The following PRTG variants were observed in gnomAD, a reference collection of about 807,000 sequenced individuals.
PRTG encodes the protein immunoglobulin superfamily, DCC subclass, member 5.
Under a neutral mutation model 122.5 loss-of-function variants are expected in PRTG, and 67 were observed. That is an observed-to-expected ratio of 0.55 (90% CI 0.45 to 0.67). The LOEUF (loss-of-function observed/expected upper bound fraction) is 0.67. Ranked by LOEUF, PRTG falls within the 30% of genes least tolerant of loss-of-function variation. The pLI is 0.00. For missense variants in PRTG, 1,435 were observed against 1,415.4 expected, an observed-to-expected ratio of 1.01 and a Z score of -0.22; for synonymous variants, 554 against 501.1, an observed-to-expected ratio of 1.11 and a Z score of -1.41.
At chr15:55,641,250 A>G (rs935745520) in intron 11 of PRTG, 42 bp from the exon 12 acceptor site, 4 of 1,422,264 alleles carry the variant, frequency 2.8e-6, no homozygotes, top group East Asian at 4.6e-5. Context: ...CCAGGTCTCT[A>G]GATCTGAGCA....
chr15:55,706,480 C>G (rs2030121920), intron 2 of PRTG, among the ~76,000 whole-genome samples: 1 of 148,970 alleles, frequency 6.7e-6, no homozygotes, highest in African/African-American at 2.5e-5. Flanking sequence ...TGGCCGGGCA[C>G]AGTGGCTCAT....
chr15:55,696,664 T>A (rs1403304267), intron 2 of PRTG, among the ~76,000 whole-genome samples: 1 of 152,176 alleles, frequency 6.6e-6, no homozygotes, highest in Non-Finnish European at 1.5e-5. Context: ...ATCTGCTTAA[T>A]AAAAATAATG....
intron 11 of PRTG, among the ~76,000 whole-genome samples, chr15:55,667,825 C>G (rs2059447303): frequency 6.6e-6 from 1 of 152,216 alleles, no homozygotes; most frequent in South Asian, 2.1e-4. Context: ...GCGGCTCACA[C>G]CTACCATCCT....
chr15:55,627,808 A>G (rs1479414543), intron 16 of PRTG, among the ~76,000 whole-genome samples: 1 of 152,090 alleles, frequency 6.6e-6, no homozygotes, highest in East Asian at 1.9e-4. Flanking sequence ...TTAGTTTTCC[A>G]TTTACATACA....
chr15:55,717,471 G>A (rs1433339574), intron 2 of PRTG, among the ~76,000 whole-genome samples: 2 of 152,178 alleles, frequency 1.3e-5, no homozygotes, highest in African/African-American at 2.4e-5. Context: ...AGGTTTCTGG[G>A]ATTTACCATC....
chr15:55,638,587 G>T lies in PRTG; in HGVS notation c.2414C>A (p.Pro805His), dbSNP rs1323634458. 6.2e-7 allele frequency: 1 copy of T among 1,613,294 alleles called. No individual in the cohort carries two copies. Among genetic ancestry groups the T allele is most frequent in the Non-Finnish European group, 8.5e-7 (1 of 1,179,464 alleles). ...VRLHVDQLSS[P>H]WSPVVYHSTL... is the part of the protein sequence containing the mutation. ...AGAATGGTAGACTACAGGGCTCCAA[G>T]GACTGGAAAGCTGATCCACATGTAA... The change falls in exon 14 of 20, where the codon CCT becomes CAT. Residue 805 changes from proline to histidine, a missense_variant. Coordinates refer to ENST00000389286, the MANE Select transcript of PRTG (RefSeq NM_173814.6).
chr15:55,638,338 T>C (rs2059269520), intron 14 of PRTG, among the ~76,000 whole-genome samples: 1 of 152,126 alleles, frequency 6.6e-6, no homozygotes, highest in South Asian at 2.1e-4. Context: ...TAAGCCTACG[T>C]GCTTGCACAA....
chr15:55,742,404 A>G (rs2031637747), intron 1 of PRTG: 1 of 158,660 alleles, frequency 6.3e-6, no homozygotes, highest in Non-Finnish European at 1.4e-5. Flanking sequence ...CTGCACGGCG[A>G]GGCTGCCACT....
chr15:55,743,128 C>T lies in PRTG; in HGVS notation c.-197G>A. On this transcript the variant is annotated 5_prime_UTR_variant, in exon 1 of 20. Transcript: ENST00000389286. ...CGGCCGCTCGCGAGAAGCAAGGGGCCTGAGAGTCCGGCTGGGGGCGGAGTG... is the reference window on the plus strand; with the variant it reads ...CGGCCGCTCGCGAGAAGCAAGGGGCTTGAGAGTCCGGCTGGGGGCGGAGTG... The T allele has an allele frequency of 7.9e-7, 1 of 1,261,770 alleles. No homozygotes were observed. The highest frequency in any genetic ancestry group is 9.9e-7 in the Non-Finnish European group (1 of 1,007,398). 78.2% of individuals were successfully genotyped at this position (1,261,770 alleles called of 1,614,324 possible).
At chr15:55,620,333 C>T (rs984665045) in intron 19 of PRTG, 67 bp from the exon 20 acceptor site, 9 of 1,572,344 alleles carry the variant, frequency 5.7e-6, no homozygotes, top group Non-Finnish European at 7.7e-6. Context: ...AAAAGCTCAT[C>T]AGGTCCCCAC....
Position 55,616,399 on chromosome 15 carries a change from G to A in PRTG, c.*3613C>T, listed in dbSNP as rs1465495905. On this transcript the variant is annotated 3_prime_UTR_variant, in exon 20 of 20. Transcript: ENST00000389286. ...TAAGGGACTGCCTCAAGCCGTCTGA[G>A]CTAACCAGGTAATGCTTAAAGCAGG... The A allele has an allele frequency of 6.6e-6, 1 of 152,112 alleles. No individual in the cohort carries two copies. The highest frequency in any genetic ancestry group is 2.4e-5 in the African/African-American group (1 of 41,446). The allele number at this position is 152,112 out of a possible 1,614,324, so 9.4% of individuals were successfully genotyped here.
intron 15 of PRTG, among the ~76,000 whole-genome samples, chr15:55,633,296 G>A (rs1383794182): frequency 1.3e-5 from 2 of 151,832 alleles, no homozygotes; most frequent in African/African-American, 4.8e-5. Flanking sequence ...TGCAACTGCT[G>A]TCTCCTGAGT....
chr15:55,669,558 C>G, intron 11 of PRTG, among the ~76,000 whole-genome samples: 1 of 152,200 alleles, frequency 6.6e-6, no homozygotes, highest in East Asian at 1.9e-4. Flanking sequence ...CACTTGCCTG[C>G]TTAGTGAGTT....
intron 11 of PRTG, among the ~76,000 whole-genome samples, chr15:55,641,474 C>T (rs1041375499): frequency 9.9e-5 from 15 of 152,160 alleles, no homozygotes; most frequent in African/African-American, 3.4e-4. Flanking sequence ...CCTTTCTCTC[C>T]TCTTCCTTAT....
chr15:55,627,860 C>A (rs1296391291), intron 16 of PRTG, among the ~76,000 whole-genome samples: 2 of 152,046 alleles, frequency 1.3e-5, no homozygotes, highest in Non-Finnish European at 1.5e-5. Context: ...CTGTGAGTCA[C>A]TAGGGATTAT....
At chr15:55,632,697 C>T (rs532115241) in intron 15 of PRTG, among the ~76,000 whole-genome samples, 1 of 152,340 alleles carries the variant, frequency 6.6e-6, no homozygotes, top group South Asian at 2.1e-4. Context: ...AATGTCATTT[C>T]TTCCGCAGGA....
intron 15 of PRTG, among the ~76,000 whole-genome samples, chr15:55,634,515 C>T (rs1205112995): frequency 6.6e-6 from 1 of 152,122 alleles, no homozygotes; most frequent in Non-Finnish European, 1.5e-5. Context: ...TCATTTTGGA[C>T]TTGAATGACT....
chr15:55,681,922 AT>A (rs1317646721), intron 4 of PRTG, among the ~76,000 whole-genome samples: 1 of 152,298 alleles, frequency 6.6e-6, no homozygotes, highest in Non-Finnish European at 1.5e-5. Flanking sequence ...TGTTGAAAAT[AT>A]TTTTTTAAAA....
chr15:55,717,765 CA>C (rs2030652482), intron 2 of PRTG, among the ~76,000 whole-genome samples: 1 of 152,196 alleles, frequency 6.6e-6, no homozygotes, highest in Admixed American at 6.5e-5. Flanking sequence ...AAGTGTCCAG[CA>C]TTTTAAAGTT....
Sources: gnomAD v4.1 joint callset for allele counts (sites outside exome capture counted in the v4.1 genomes callset) on GRCh38, gnomAD v4.1.1 for gene constraint, MANE v1.5 for transcripts, NCBI Gene and HGNC (gene_info 2026-07-23, HGNC 2026-07-21) for gene names.